ARHGAP40: variants seen among roughly 807,000 people sequenced by gnomAD.
The protein encoded by ARHGAP40 is rho GTPase-activating protein 40.
In ARHGAP40, 43 loss-of-function variants were observed where a neutral mutation model predicts 73.5. That is an observed-to-expected ratio of 0.58 (90% CI 0.46 to 0.75). ARHGAP40 has a LOEUF of 0.75. Among genes scored for constraint, ARHGAP40 ranks in the 30% least tolerant of loss-of-function variants. The probability of loss-of-function intolerance (pLI) is 0.00; values close to 1 mark genes in which losing one functional copy is unlikely to be tolerated. For missense variants in ARHGAP40, 734 were observed against 861.8 expected (o/e 0.85, Z 1.86); for synonymous variants, 300 against 352.8 (o/e 0.85, Z 1.68).
exon 15 of ARHGAP40, chr20:38,649,899 G>A (rs376525335): frequency 5.3e-5 from 65 of 1,224,038 alleles, no homozygotes; most frequent in Middle Eastern, 2.2e-4. Context: ...TCCCCTGCTG[G>A]CTCTGTGTCC....
chr20:38,603,627 T>C (rs1174717515), intron 1 of ARHGAP40, among the ~76,000 whole-genome samples: 1 of 152,200 alleles, frequency 6.6e-6, no homozygotes, highest in East Asian at 1.9e-4. Flanking sequence ...TAGTTTTCTA[T>C]TGCTGCTATA....
chr20:38,635,373 A>C (rs544740066), intron 6 of ARHGAP40, among the ~76,000 whole-genome samples: 1 of 152,264 alleles, frequency 6.6e-6, no homozygotes, highest in African/African-American at 2.4e-5. Flanking sequence ...CTAATATTAT[A>C]TAATTATGGT....
At chr20:38,628,834 A>C in intron 3 of ARHGAP40, 93 bp from the exon 4 acceptor site, 1 of 911,866 alleles carries the variant, frequency 1.1e-6, no homozygotes, top group Admixed American at 3.1e-5. Context: ...CCATCTGTGA[A>C]AAGGGGTTGT....
chr20:38,624,028 A>C (rs1055738609), intron 2 of ARHGAP40, among the ~76,000 whole-genome samples: 1 of 152,232 alleles, frequency 6.6e-6, no homozygotes, highest in African/African-American at 2.4e-5. Flanking sequence ...TCAAGCTTAG[A>C]AGCATAATGC....
exon 5 of ARHGAP40, chr20:38,629,639 T>C: frequency 7.7e-7 from 1 of 1,305,418 alleles, no homozygotes. Context: ...CTGGGGCAAG[T>C]GTTCCCTGCC....
intron 1 of ARHGAP40, among the ~76,000 whole-genome samples, chr20:38,615,964 C>T (rs1349199891): frequency 6.6e-6 from 1 of 152,226 alleles, no homozygotes; most frequent in Non-Finnish European, 1.5e-5. Flanking sequence ...GCTGAACTTA[C>T]TCCTCCCTGC....
chr20:38,620,224 C>T (rs750565200), intron 1 of ARHGAP40, among the ~76,000 whole-genome samples: 12 of 152,190 alleles, frequency 7.9e-5, no homozygotes, highest in Non-Finnish European at 1.5e-4. Context: ...GCGCTGGAAA[C>T]AAAACAAACA....
chr20:38,635,474 G>A (rs1169621382), intron 6 of ARHGAP40, among the ~76,000 whole-genome samples: 1 of 152,094 alleles, frequency 6.6e-6, no homozygotes, highest in Non-Finnish European at 1.5e-5. Context: ...GACCAGCATG[G>A]GTGACATAGT....
intron 1 of ARHGAP40, among the ~76,000 whole-genome samples, chr20:38,614,239 A>C (rs981953823): frequency 4.6e-5 from 7 of 152,338 alleles, no homozygotes; most frequent in Admixed American, 2.6e-4. Context: ...GCAACAGAGG[A>C]GAGACCCTCT....
At chr20:38,619,513 A>G (rs1395515439) in intron 1 of ARHGAP40, among the ~76,000 whole-genome samples, 1 of 151,378 alleles carries the variant, frequency 6.6e-6, no homozygotes, top group Non-Finnish European at 1.5e-5. Context: ...AGAGTGCTTG[A>G]TGGAACCATC....
intron 1 of ARHGAP40, among the ~76,000 whole-genome samples, chr20:38,607,507 C>T (rs552833489): frequency 7.9e-4 from 120 of 152,306 alleles, no homozygotes; most frequent in African/African-American, 2.8e-3. Flanking sequence ...TACAAACCAG[C>T]GAAGGGCAGG....
intron 1 of ARHGAP40, chr20:38,615,595 C>T: frequency 4.1e-6 from 2 of 485,932 alleles, no homozygotes; most frequent in East Asian, 9.0e-5. Context: ...TCTAAGAGGT[C>T]CAATTTCTAT....
At chr20:38,634,959 G>A (rs565139412) in intron 6 of ARHGAP40, among the ~76,000 whole-genome samples, 174 bp downstream of exon 6, 145 of 150,394 alleles carry the variant, frequency 9.6e-4, no homozygotes, top group Non-Finnish European at 1.8e-3. Flanking sequence ...TCGGCTCACT[G>A]CAACCTCCGC....
chr20:38,622,184 AG>A, intron 1 of ARHGAP40, among the ~76,000 whole-genome samples: 1 of 152,276 alleles, frequency 6.6e-6, no homozygotes, highest in Non-Finnish European at 1.5e-5. Flanking sequence ...TTAATAGGGC[AG>A]TTCAAACCAC....
intron 1 of ARHGAP40, among the ~76,000 whole-genome samples, chr20:38,616,494 T>C (rs1458192781): frequency 6.6e-6 from 1 of 152,074 alleles, no homozygotes; most frequent in African/African-American, 2.4e-5. Flanking sequence ...ATCCAGCCAG[T>C]GAAAGAAAAG....
In ARHGAP40 at chr20:38,643,572, C is replaced by A. The variant is rs559499521; in HGVS notation, c.1363-132C>A. The A allele has an allele frequency of 1.8e-4, 111 of 607,952 alleles. No individual in the cohort carries two copies. The African/African-American group carries it at 1.9e-3, about 10-fold the overall frequency. The allele number at this position is 607,952 out of a possible 1,614,324, so 37.7% of individuals were successfully genotyped here. ...GCCGGTGACACAGCTGGAACGGGAG[C>A]CCCTCTTGCTGCCCTCCCAGCTCCT... On this transcript the variant is annotated intron_variant, in intron 10 of 14. Coordinates refer to ENST00000373345, the Ensembl canonical transcript of ARHGAP40.
At chr20:38,642,589 C>T (rs1053227969) in intron 10 of ARHGAP40, among the ~76,000 whole-genome samples, 3 of 151,880 alleles carry the variant, frequency 2.0e-5, no homozygotes, top group African/African-American at 7.3e-5. Context: ...TCTCTCCCTC[C>T]CTCTCTCCCT....
At chr20:38,633,254 C>A (rs111379294) in intron 5 of ARHGAP40, among the ~76,000 whole-genome samples, 1 of 152,148 alleles carries the variant, frequency 6.6e-6, no homozygotes, top group African/African-American at 2.4e-5. Flanking sequence ...TGCACTGCAA[C>A]CTGGGTGACA....
At chr20:38,649,726 A>G in intron 14 of ARHGAP40, 31 bp from the exon 15 acceptor site, 3 of 1,256,088 alleles carry the variant, frequency 2.4e-6, no homozygotes, top group Non-Finnish European at 3.2e-6. Context: ...ACAGCCTCCC[A>G]CTCAACCTCC....
Sources: allele counts gnomAD v4.1 joint callset (sites outside exome capture counted in the v4.1 genomes callset), GRCh38; gene constraint gnomAD v4.1.1; transcripts MANE v1.5; gene names NCBI Gene and HGNC (gene_info 2026-07-23, HGNC 2026-07-21).